The following PCDHGA4 variants were observed in gnomAD, a reference collection of about 807,000 sequenced individuals.
The protein encoded by PCDHGA4 is protocadherin gamma subfamily A, 4, also known as protocadherin gamma-A4.
A neutral mutation model predicts 54.6 loss-of-function variants in PCDHGA4; 38 were observed. The ratio of observed to expected loss-of-function variants is 0.70; its 90% confidence interval spans 0.54 to 0.91. PCDHGA4 has a LOEUF of 0.91. Ranked by LOEUF, PCDHGA4 falls within the 40% of genes least tolerant of loss-of-function variation. The probability of loss-of-function intolerance (pLI) is 0.00; values close to 1 mark genes in which losing one functional copy is unlikely to be tolerated. For missense variants in PCDHGA4, 1,298 were observed against 1,220.9 expected (o/e 1.06, Z -0.94); for synonymous variants, 511 against 512.9 (o/e 1.00, Z 0.05).
At chr5:141,463,438 C>CTTTTTTT (rs71576115) in intron 1 of PCDHGA4, among the ~76,000 whole-genome samples, 6 of 103,252 alleles carry the variant, frequency 5.8e-5, no homozygotes, top group African/African-American at 1.3e-4. Flanking sequence ...TTTCCTTCTC[C>CTTTTTTT]TTTTTTTTTT....
At chr5:141,399,063 A>G (rs762517133) in intron 1 of PCDHGA4, 1 of 1,613,714 alleles carries the variant, frequency 6.2e-7, no homozygotes, top group South Asian at 1.1e-5. Flanking sequence ...AGGAATATTC[A>G]ATGGTTGTAG....
rs750804901 is a variant in PCDHGA4, at chr5:141,476,422, C to T, written c.2515-18385C>T. ...GAGAGGAGCTGTGTGGGACACTGCC[C>T]TCTTGCACTGTAACTCTGGAGTTGG... On this transcript the variant is annotated intron_variant, in intron 1 of 3. Transcript: ENST00000571252. The surrounding 1 kb of genome is among the most constrained non-coding windows in gnomAD (Gnocchi z 7.6). The T allele has an allele frequency of 1.7e-5, 28 of 1,614,026 alleles. No homozygotes were observed. Among genetic ancestry groups the T allele is most frequent in the East Asian group, 2.2e-5 (1 of 44,860 alleles).
chr5:141,383,003 T>G, intron 1 of PCDHGA4: 2 of 1,613,734 alleles, frequency 1.2e-6, no homozygotes, highest in Non-Finnish European at 1.7e-6. Flanking sequence ...CTCTACTCCG[T>G]GTCGGAGGAG....
intron 1 of PCDHGA4, chr5:141,375,270 A>T (rs1771295281): frequency 6.2e-7 from 1 of 1,613,754 alleles, no homozygotes. Flanking sequence ...GAATTGGAAA[A>T]ATCAGTTGGC....
intron 1 of PCDHGA4, chr5:141,399,810 C>A (rs148150333): frequency 2.5e-6 from 4 of 1,613,076 alleles, no homozygotes; most frequent in Middle Eastern, 1.7e-4. Flanking sequence ...TGCTGTACCC[C>A]GCGCTGGGTC....
intron 1 of PCDHGA4, chr5:141,361,375 G>A (rs267600451): frequency 1.4e-5 from 23 of 1,613,956 alleles, no homozygotes; most frequent in South Asian, 1.3e-4. Context: ...GGACCGGGAG[G>A]AGATCCCAGA....
In PCDHGA4 at chr5:141,357,432, C is replaced by T. The variant is rs1217622560; in HGVS notation, c.2325C>T (p.Asp775=). 3 of 1,614,094 alleles carry T rather than the reference C, an allele frequency of 1.9e-6. No homozygotes were observed. Among genetic ancestry groups the T allele is most frequent in the African/African-American group, 1.3e-5 (1 of 74,948 alleles). The change falls in exon 1 of 4, where the codon GAC becomes GAT. Residue 775 remains aspartate (D), a synonymous_variant. Transcript: ENST00000571252. ...GVPASHFVGV[D]GVRAFLQTYS... ...CTGCCTCGCACTTTGTGGGCGTGGA[C>T]GGGGTTCGGGCTTTCCTGCAGACCT... is the stretch of plus-strand genomic sequence containing the variant.
intron 3 of PCDHGA4, among the ~76,000 whole-genome samples, chr5:141,506,485 A>C (rs2154593953): frequency 6.6e-6 from 1 of 150,572 alleles, no homozygotes; most frequent in East Asian, 2.0e-4. Flanking sequence ...CTTTAGAGGC[A>C]GGCCAATCTG....
At chr5:141,484,660 T>G in intron 1 of PCDHGA4, among the ~76,000 whole-genome samples, 1 of 151,976 alleles carries the variant, frequency 6.6e-6, no homozygotes, top group Non-Finnish European at 1.5e-5. Flanking sequence ...ACTCTCCCTC[T>G]CAGTGGGCCG....
intron 1 of PCDHGA4, among the ~76,000 whole-genome samples, chr5:141,444,703 T>A (rs963617867): frequency 6.6e-6 from 1 of 152,248 alleles, no homozygotes; most frequent in Non-Finnish European, 1.5e-5. Context: ...TTCCTCTTTC[T>A]GTTGAATTTG....
chr5:141,495,973 A>C (rs2099764953), intron 2 of PCDHGA4, among the ~76,000 whole-genome samples: 1 of 146,988 alleles, frequency 6.8e-6, no homozygotes, highest in African/African-American at 2.5e-5. Context: ...TTTCTCTGTT[A>C]CTCTTTCTTT....
intron 1 of PCDHGA4, chr5:141,387,711 C>T: frequency 9.6e-7 from 1 of 1,041,396 alleles, no homozygotes; most frequent in Non-Finnish European, 1.4e-6. Flanking sequence ...GCAGCCCCAG[C>T]TCAGACTCCC....
intron 1 of PCDHGA4, among the ~76,000 whole-genome samples, chr5:141,363,780 TTTATC>T (rs1312673408): frequency 6.6e-6 from 1 of 152,228 alleles, no homozygotes; most frequent in Non-Finnish European, 1.5e-5. Flanking sequence ...TTTTCCTAAA[TTTATC>T]CTAATAAGGA....
intron 1 of PCDHGA4, among the ~76,000 whole-genome samples, chr5:141,473,773 T>C (rs1473510505): frequency 6.6e-6 from 1 of 152,254 alleles, no homozygotes; most frequent in Non-Finnish European, 1.5e-5. Context: ...GGATTTGGTA[T>C]TTTAATTCAA....
At chr5:141,400,017 C>T in intron 1 of PCDHGA4, 1 of 1,612,778 alleles carries the variant, frequency 6.2e-7, no homozygotes. Context: ...CCTTGGGCGA[C>T]AGGGACGCGG....
intron 1 of PCDHGA4, among the ~76,000 whole-genome samples, chr5:141,369,057 G>A (rs907839197): frequency 1.4e-4 from 22 of 152,206 alleles, no homozygotes; most frequent in African/African-American, 5.1e-4. Flanking sequence ...ACATTATGTA[G>A]GCTAAAGATA....
intron 1 of PCDHGA4, among the ~76,000 whole-genome samples, chr5:141,488,139 T>A (rs906194527): frequency 6.6e-6 from 1 of 152,084 alleles, no homozygotes; most frequent in Non-Finnish European, 1.5e-5. Context: ...AGGAGAGAAC[T>A]AAAGGAATAG....
intron 1 of PCDHGA4, chr5:141,441,629 G>T: frequency 4.5e-6 from 1 of 224,156 alleles, no homozygotes; most frequent in Non-Finnish European, 9.0e-6. Flanking sequence ...GTGACCTGGA[G>T]CCACAGGCGC....
chr5:141,404,177 A>C, intron 1 of PCDHGA4: 1 of 1,613,448 alleles, frequency 6.2e-7, no homozygotes, highest in Non-Finnish European at 8.5e-7. Context: ...GACGGCCCAA[A>C]TTCTTGACCG....
Sources: gnomAD v4.1 joint callset for allele counts (sites outside exome capture counted in the v4.1 genomes callset) on GRCh38, gnomAD v4.1.1 for gene constraint, Gnocchi (gnomAD v3.1) non-coding constraint, MANE v1.5 for transcripts, NCBI Gene and HGNC (gene_info 2026-07-23, HGNC 2026-07-21) for gene names.